Variants in CNTNAP5 observed in about 807,000 individuals in gnomAD.
CNTNAP5 encodes the protein contactin associated protein family member 5.
A neutral mutation model predicts 150.2 loss-of-function variants in CNTNAP5; 72 were observed. That is an observed-to-expected ratio of 0.48 (90% confidence interval 0.40 to 0.58). CNTNAP5 has a LOEUF of 0.58. Ranked by LOEUF, CNTNAP5 falls within the 20% of genes least tolerant of loss-of-function variation. The pLI, the probability that CNTNAP5 is intolerant of heterozygous loss-of-function variation, is 0.00. For missense variants in CNTNAP5, 1,636 were observed against 1,626.2 expected (o/e 1.01, Z -0.10); for synonymous variants, 672 against 619.8 (o/e 1.08, Z -1.25).
At chr2:124,772,697 T>A in intron 16 of CNTNAP5, 102 bp from the exon 17 acceptor site, 5 of 810,660 alleles carry the variant, frequency 6.2e-6, no homozygotes, top group Non-Finnish European at 1.1e-5. Context: ...AGAAGTCTTC[T>A]CTATATTGAT....
intron 11 of CNTNAP5, among the ~76,000 whole-genome samples, chr2:124,566,899 GC>G (rs1214840549): frequency 6.6e-6 from 1 of 152,126 alleles, no homozygotes; most frequent in South Asian, 2.1e-4. Context: ...GCACCCTTTG[GC>G]AAAAACAAAA....
intron 13 of CNTNAP5, among the ~76,000 whole-genome samples, chr2:124,738,998 A>G (rs1413493784): frequency 6.6e-6 from 1 of 152,206 alleles, no homozygotes; most frequent in Non-Finnish European, 1.5e-5. Context: ...ATTTAAGTTA[A>G]TCACGTTGTC....
chr2:124,539,016 C>A (rs1024758862), intron 10 of CNTNAP5, among the ~76,000 whole-genome samples: 1 of 152,132 alleles, frequency 6.6e-6, no homozygotes, highest in African/African-American at 2.4e-5. Context: ...GCCCTTGAGG[C>A]GAAGCACCTG....
At chr2:124,098,907 C>A (rs74927481) in intron 1 of CNTNAP5, among the ~76,000 whole-genome samples, 7,518 of 152,184 alleles carry the variant, frequency 0.049, 297 homozygotes, top group South Asian at 0.15. Flanking sequence ...CACTTACCAG[C>A]CTGAAGACAC....
At chr2:124,389,244 G>GAAAAAAA (rs1416406245) in intron 3 of CNTNAP5, among the ~76,000 whole-genome samples, 1 of 152,120 alleles carries the variant, frequency 6.6e-6, no homozygotes, top group Admixed American at 6.5e-5. Context: ...AATATGTGTT[G>GAAAAAAA]CTACAACTTG....
At chr2:124,847,835 G>C (rs903491909) in intron 19 of CNTNAP5, among the ~76,000 whole-genome samples, 1 of 152,090 alleles carries the variant, frequency 6.6e-6, no homozygotes, top group African/African-American at 2.4e-5. Context: ...GCTTAAGATG[G>C]AAATTATGGA....
chr2:124,814,179 G>A (rs1558786430), intron 19 of CNTNAP5, among the ~76,000 whole-genome samples: 2 of 149,780 alleles, frequency 1.3e-5, no homozygotes, highest in Non-Finnish European at 3.0e-5. Flanking sequence ...TCAGATGATT[G>A]GATGCATCAT....
At chr2:124,532,125 G>A (rs966414418) in intron 10 of CNTNAP5, among the ~76,000 whole-genome samples, 2 of 152,156 alleles carry the variant, frequency 1.3e-5, no homozygotes, top group African/African-American at 4.8e-5. Context: ...GTTCCAAGAG[G>A]TGAGTACACA....
chr2:124,708,992 C>T (rs17321298), intron 13 of CNTNAP5, among the ~76,000 whole-genome samples: 24,765 of 152,132 alleles, frequency 0.16, 2,294 homozygotes, highest in East Asian at 0.24. Flanking sequence ...ACTCACTCAC[C>T]GTGCGCTGTG....
At chr2:124,367,601 C>A (rs985366293) in intron 3 of CNTNAP5, among the ~76,000 whole-genome samples, 1 of 152,126 alleles carries the variant, frequency 6.6e-6, no homozygotes, top group Non-Finnish European at 1.5e-5. Flanking sequence ...TATTGGGCTA[C>A]CTCCAGTGTG....
intron 8 of CNTNAP5, among the ~76,000 whole-genome samples, chr2:124,507,247 C>T (rs2104866573): frequency 6.6e-6 from 1 of 152,068 alleles, no homozygotes; most frequent in Non-Finnish European, 1.5e-5. Context: ...TCTCATGAGC[C>T]CAGAAGTTCA....
At chr2:124,677,262 C>A (rs1456004581) in intron 13 of CNTNAP5, among the ~76,000 whole-genome samples, 1 of 152,132 alleles carries the variant, frequency 6.6e-6, no homozygotes, top group Non-Finnish European at 1.5e-5. Context: ...TTTTTCCTCC[C>A]AGTGGGTTCA....
chr2:124,367,518 A>T lies in CNTNAP5; in HGVS notation c.382-49925A>T, dbSNP rs189728247. On this transcript the variant is annotated intron_variant, in intron 3 of 23. Transcript: ENST00000682447. ...CTGGGTCCCTCCCATGACACATGGG[A>T]TTATGGGAAATACAATTCAAGATGA... Among the ~76,000 whole-genome samples the T allele has an allele frequency of 5.6e-4, 85 of 152,200 alleles. No homozygotes were observed. The East Asian group carries it at 0.012, about 21-fold the overall frequency.
intron 1 of CNTNAP5, among the ~76,000 whole-genome samples, chr2:124,127,526 T>C (rs936444540): frequency 4.6e-5 from 7 of 152,074 alleles, no homozygotes; most frequent in Admixed American, 3.9e-4. Flanking sequence ...ATCAAGCTAC[T>C]AATGAATTTC....
chr2:124,618,006 T>C (rs1208963721), intron 12 of CNTNAP5, among the ~76,000 whole-genome samples: 1 of 152,118 alleles, frequency 6.6e-6, no homozygotes, highest in African/African-American at 2.4e-5. Flanking sequence ...TGCATGTTTT[T>C]AGGAGTCACC....
At position 124,398,480 on chromosome 2, in the gene CNTNAP5, CTTTATTTA is replaced by C. The variant is rs71394036; in HGVS notation, c.382-18939_382-18932del. Among the ~76,000 whole-genome samples, 75 of 147,988 alleles carry C rather than the reference CTTTATTTA, an allele frequency of 5.1e-4. 1 individual carries two copies. The highest frequency in any genetic ancestry group is 1.4e-3 in the African/African-American group (58 of 40,556). On this transcript the variant is annotated intron_variant, in intron 3 of 23. Transcript: ENST00000682447. ...TATAGGGAATATTAAGAAATTTTTA[CTTTATTTA>C]TTTATTTATTTATTTATTTATTTTT...
intron 2 of CNTNAP5, among the ~76,000 whole-genome samples, chr2:124,230,731 C>T (rs1686594923): frequency 6.6e-6 from 1 of 151,886 alleles, no homozygotes; most frequent in African/African-American, 2.4e-5. Flanking sequence ...AGGGTTTCAC[C>T]ATATTGGTCA....
intron 1 of CNTNAP5, among the ~76,000 whole-genome samples, chr2:124,156,462 T>C (rs1684550649): frequency 6.6e-6 from 1 of 152,208 alleles, no homozygotes; most frequent in African/African-American, 2.4e-5. Flanking sequence ...CAGGCCTGGA[T>C]GGCAGACCCT....
At chr2:124,097,824 C>G (rs998887518) in intron 1 of CNTNAP5, among the ~76,000 whole-genome samples, 1 of 152,078 alleles carries the variant, frequency 6.6e-6, no homozygotes, top group African/African-American at 2.4e-5. Flanking sequence ...GTCAGGAGAT[C>G]GAGACCATCC....
Sources: gnomAD v4.1 joint callset for allele counts (sites outside exome capture counted in the v4.1 genomes callset) on GRCh38, gnomAD v4.1.1 for gene constraint, MANE v1.5 for transcripts, NCBI Gene and HGNC (gene_info 2026-07-23, HGNC 2026-07-21) for gene names.